The following TOPAZ1 variants were observed in gnomAD, a reference collection of about 807,000 sequenced individuals.
TOPAZ1 encodes the protein protein TOPAZ1.
In TOPAZ1, 66 loss-of-function variants were observed where a neutral mutation model predicts 172.2. The ratio of observed to expected loss-of-function variants is 0.38; its 90% CI spans 0.31 to 0.47. TOPAZ1 has a LOEUF of 0.47. TOPAZ1 is among the 20% of genes least tolerant of loss of function. TOPAZ1 has a pLI of 0.99. For missense variants in TOPAZ1, 1,822 were observed against 1,972.4 expected (o/e 0.92, Z 1.44); for synonymous variants, 681 against 683.9 (o/e 1.00, Z 0.07).
chr3:44,323,077 T>C lies in TOPAZ1; in HGVS notation c.4472-15T>C. ...AATATAAATGAATTTTATTATATCA[T>C]TTTTTTTATTCCAGAAACTGTGGAA... On this transcript the variant is annotated splice_polypyrimidine_tract_variant and intron_variant, in intron 17 of 19. Transcript: ENST00000309765. 6.9e-7 allele frequency: 1 copy of C among 1,453,074 alleles called. No individual in the cohort carries two copies. Among genetic ancestry groups the C allele is most frequent in the Non-Finnish European group, 9.2e-7 (1 of 1,085,130 alleles). The allele number at this position is 1,453,074 out of a possible 1,614,324, so 90.0% of individuals were successfully genotyped here.
chr3:44,282,728 G>A (rs1208418279), intron 9 of TOPAZ1, among the ~76,000 whole-genome samples: 1 of 151,966 alleles, frequency 6.6e-6, no homozygotes, highest in Non-Finnish European at 1.5e-5. Flanking sequence ...AGTAGATGTG[G>A]TAATAGAGCA....
chr3:44,274,425 A>C (rs1699930810), intron 8 of TOPAZ1, among the ~76,000 whole-genome samples: 1 of 151,792 alleles, frequency 6.6e-6, no homozygotes. Context: ...AGAAAAGAAA[A>C]GAAAAGAAAA....
In TOPAZ1 at chr3:44,270,790, C is replaced by G. The variant is rs749226100; in HGVS notation, c.3352C>G (p.Pro1118Ala). 2 of 1,547,192 alleles carry G rather than the reference C, an allele frequency of 1.3e-6. No homozygotes were observed. The highest frequency in any genetic ancestry group is 4.0e-5 in the Admixed American group (2 of 50,352). The change falls in exon 8 of 20, where the codon CCT becomes GCT. Residue 1118 changes from proline (P) to alanine (A), a missense_variant. Coordinates refer to ENST00000309765, the MANE Select transcript of TOPAZ1 (RefSeq NM_001145030.2). ...ACCACTGTGCAAGTTTGCTCATGTGCCTGAACAAGGGGATGAAAAGGTAAA... is the reference window on the plus strand; with the variant it reads ...ACCACTGTGCAAGTTTGCTCATGTGGCTGAACAAGGGGATGAAAAGGTAAA... ...ERPLCKFAHVPEQGDEKVCMD... is the reference protein window; with the variant it reads ...ERPLCKFAHVAEQGDEKVCMD...
At chr3:44,269,140 G>C in intron 6 of TOPAZ1, 76 bp from the exon 7 acceptor site, 1 of 813,148 alleles carries the variant, frequency 1.2e-6, no homozygotes. Flanking sequence ...AGATAGTAGT[G>C]ATCATCTATT....
At chr3:44,267,253 G>T (rs758670848) in intron 6 of TOPAZ1, 117 bp downstream of exon 6, 71 of 563,264 alleles carry the variant, frequency 1.3e-4, no homozygotes, top group Admixed American at 1.8e-4. Context: ...TGTAGAATAT[G>T]TTAAAATTAG....
chr3:44,271,400 A>G (rs971339388), intron 8 of TOPAZ1, among the ~76,000 whole-genome samples: 4 of 152,044 alleles, frequency 2.6e-5, no homozygotes, highest in African/African-American at 7.2e-5. Flanking sequence ...GCACTTTTCA[A>G]TGTTTATTGG....
chr3:44,276,154 TC>T (rs1699952231), intron 8 of TOPAZ1, among the ~76,000 whole-genome samples: 1 of 152,214 alleles, frequency 6.6e-6, no homozygotes, highest in Non-Finnish European at 1.5e-5. Context: ...CAACAGGTTC[TC>T]TTCACTGTGT....
At chr3:44,267,988 A>G (rs980957344) in intron 6 of TOPAZ1, among the ~76,000 whole-genome samples, 1 of 152,236 alleles carries the variant, frequency 6.6e-6, no homozygotes, top group African/African-American at 2.4e-5. Context: ...GTTTCAGATT[A>G]TAGCTGGATG....
chr3:44,269,148 A>G, intron 6 of TOPAZ1, 68 bp from the exon 7 acceptor site: 1 of 872,352 alleles, frequency 1.1e-6, no homozygotes, highest in South Asian at 1.4e-5. Context: ...GTGATCATCT[A>G]TTTCATTGTT....
At chr3:44,270,549 C>T in intron 7 of TOPAZ1, 136 bp from the exon 8 acceptor site, 1 of 505,876 alleles carries the variant, frequency 2.0e-6, no homozygotes, top group Non-Finnish European at 3.2e-6. Flanking sequence ...TTTATTTTTT[C>T]TTATTAAATT....
chr3:44,262,725 T>A (rs1699788510), intron 5 of TOPAZ1, among the ~76,000 whole-genome samples: 1 of 152,174 alleles, frequency 6.6e-6, no homozygotes, highest in Non-Finnish European at 1.5e-5. Flanking sequence ...TAAGGAGTAG[T>A]GATAAAAAGA....
chr3:44,291,205 G>A (rs6441829), intron 12 of TOPAZ1, among the ~76,000 whole-genome samples: 2 of 151,526 alleles, frequency 1.3e-5, no homozygotes, highest in African/African-American at 2.4e-5. Context: ...ACCTTAATGC[G>A]TTTTTCTATT....
chr3:44,315,831 A>T (rs1017869136), intron 16 of TOPAZ1, among the ~76,000 whole-genome samples: 1 of 152,142 alleles, frequency 6.6e-6, no homozygotes, highest in Non-Finnish European at 1.5e-5. Flanking sequence ...TTTTCACCAA[A>T]TGTGAACCCT....
At position 44,254,623 on chromosome 3, in the gene TOPAZ1, G is replaced by A. The variant is rs1217260531; in HGVS notation, c.2766-345G>A. 9.8e-3 allele frequency among the ~76,000 whole-genome samples: 545 copies of A among 55,496 alleles called. 3 individuals are homozygous for A. The highest frequency in any genetic ancestry group is 0.04 in the African/African-American group (506 of 12,508). 36.4% of individuals were successfully genotyped at this position (55,496 alleles called of 152,430 possible). A position where few individuals can be genotyped will look rare whatever the true frequency, so the allele number is the denominator to read the frequency against. ...GCCTGGGCAACAAGAGCGAAACTCC[G>A]TCTCAAAAAAAAAAAAAAAAAAAAA... On this transcript the variant is annotated intron_variant, in intron 2 of 19. Transcript: ENST00000309765.
At chr3:44,334,070 G>A (rs1014594968), downstream of TOPAZ1, among the ~76,000 whole-genome samples, 5 of 152,204 alleles carry the variant, frequency 3.3e-5, no homozygotes, top group African/African-American at 1.2e-4. Context: ...ATTTGGAGAT[G>A]TATAGAAATT....
intron 8 of TOPAZ1, among the ~76,000 whole-genome samples, chr3:44,275,201 G>C (rs1699940176): frequency 6.6e-6 from 1 of 151,990 alleles, no homozygotes; most frequent in African/African-American, 2.4e-5. Context: ...ACATTTCTAT[G>C]AGTTGGGAAC....
intron 5 of TOPAZ1, among the ~76,000 whole-genome samples, chr3:44,263,452 A>G (rs991528901): frequency 2.6e-5 from 4 of 152,226 alleles, no homozygotes; most frequent in African/African-American, 9.6e-5. Flanking sequence ...AAAATAAAAA[A>G]TAGATCATCT....
chr3:44,328,209 T>C (rs1165895520), intron 18 of TOPAZ1, 41 bp from the exon 19 acceptor site: 1 of 1,333,252 alleles, frequency 7.5e-7, no homozygotes. Flanking sequence ...TTTTTACCTA[T>C]TGGGTTTTAG....
intron 2 of TOPAZ1, among the ~76,000 whole-genome samples, chr3:44,254,627 CAAAAAAAAAAA>C (rs10579109): frequency 1.2e-5 from 1 of 83,206 alleles, no homozygotes; most frequent in South Asian, 4.3e-4. Context: ...AACTCCGTCT[CAAAAAAAAAAA>C]AAAAAAAAAA....
Sources: allele counts gnomAD v4.1 joint callset (sites outside exome capture counted in the v4.1 genomes callset), GRCh38; gene constraint gnomAD v4.1.1; transcripts MANE v1.5; gene names NCBI Gene and HGNC (gene_info 2026-07-23, HGNC 2026-07-21).